Variants in UNC5C observed in about 807,000 individuals in gnomAD.
UNC5C encodes netrin receptor UNC5C.
Under a neutral mutation model 99.8 loss-of-function variants are expected in UNC5C, and 47 were observed. The observed-to-expected ratio is 0.47, with a 90% CI of 0.37 to 0.60. UNC5C has a LOEUF of 0.60. Among genes scored for constraint, UNC5C ranks in the 20% least tolerant of loss-of-function variants. The pLI is 0.00. For missense variants in UNC5C, 1,062 were observed against 1,165.9 expected (o/e 0.91, Z 1.30); for synonymous variants, 487 against 452.2 (o/e 1.08, Z -0.98).
At chr4:95,332,143 GC>G (rs1743137859) in intron 2 of UNC5C, among the ~76,000 whole-genome samples, 1 of 152,032 alleles carries the variant, frequency 6.6e-6, no homozygotes, top group African/African-American at 2.4e-5. Flanking sequence ...TGGCCATACT[GC>G]CCAAGGTAAT....
intron 7 of UNC5C, among the ~76,000 whole-genome samples, chr4:95,237,373 T>A (rs2149376172): frequency 6.6e-6 from 1 of 152,330 alleles, no homozygotes; most frequent in East Asian, 1.9e-4. Context: ...ATTAGCAAAG[T>A]ACAAAAGTTT....
At chr4:95,521,203 TTTTTTTC>T (rs1156956435) in intron 1 of UNC5C, among the ~76,000 whole-genome samples, 10 of 128,168 alleles carry the variant, frequency 7.8e-5, no homozygotes, top group Admixed American at 5.6e-4. Context: ...CTTCTTCTTT[TTTTTTTC>T]TTTTTTCTTT....
chr4:95,176,536 C>T (rs1736355000), intron 14 of UNC5C, among the ~76,000 whole-genome samples: 1 of 151,744 alleles, frequency 6.6e-6, no homozygotes, highest in African/African-American at 2.4e-5. Flanking sequence ...CTGGGGGGTG[C>T]CTCCCAGTTA....
In UNC5C at chr4:95,169,250, G is replaced by C. The variant is rs751536528; in HGVS notation, c.2780C>G (p.Ala927Gly). Reference protein sequence around the residue: ...GRHETVVSLAAEGQY With the variant: ...GRHETVVSLAGEGQY ...GCATGGTGGTTAATACTGCCCTTCT[G>C]CTGCTAAGGACACCACCGTTTCATG... Residue 927 changes from alanine to glycine, a missense_variant, in exon 16 of 16, where the codon GCA (alanine) becomes GGA (glycine). Coordinates refer to ENST00000453304, the MANE Select transcript of UNC5C (RefSeq NM_003728.4). 3 of 1,613,972 alleles carry C rather than the reference G, an allele frequency of 1.9e-6. No homozygotes were observed. Among genetic ancestry groups the C allele is most frequent in the Non-Finnish European group, 1.7e-6 (2 of 1,180,040 alleles).
intron 1 of UNC5C, 109 bp downstream of exon 1, chr4:95,548,625 G>T: frequency 7.3e-7 from 1 of 1,370,522 alleles, no homozygotes; most frequent in Non-Finnish European, 9.7e-7. Context: ...GTTTCCAGTT[G>T]AAAGCAACGA....
intron 1 of UNC5C, among the ~76,000 whole-genome samples, chr4:95,489,419 C>T (rs529158021): frequency 1.3e-5 from 2 of 151,622 alleles, no homozygotes; most frequent in South Asian, 2.1e-4. Context: ...GCATTGCAGG[C>T]CACGATGAAG....
At chr4:95,404,197 C>G (rs1745773541) in intron 1 of UNC5C, among the ~76,000 whole-genome samples, 1 of 152,044 alleles carries the variant, frequency 6.6e-6, no homozygotes, top group Non-Finnish European at 1.5e-5. Context: ...CCAGGTATAT[C>G]CCACATTTCA....
At chr4:95,457,581 C>T (rs888089823) in intron 1 of UNC5C, among the ~76,000 whole-genome samples, 2 of 152,060 alleles carry the variant, frequency 1.3e-5, no homozygotes, top group African/African-American at 4.8e-5. Flanking sequence ...CATTTGCCCG[C>T]ATTTAATGCT....
At chr4:95,211,359 G>A (rs962500124) in intron 10 of UNC5C, among the ~76,000 whole-genome samples, 3 of 152,188 alleles carry the variant, frequency 2.0e-5, no homozygotes, top group South Asian at 2.1e-4. Context: ...AAGCCACTCC[G>A]AAGGGCGTGC....
chr4:95,218,999 G>A lies in UNC5C; in HGVS notation c.1615C>T (p.Leu539=). 6.2e-7 allele frequency: 1 copy of A among 1,611,802 alleles called. No homozygotes were observed. The highest frequency in any genetic ancestry group is 8.5e-7 in the Non-Finnish European group (1 of 1,178,360). Residue 539 remains leucine, a synonymous_variant, in exon 9 of 16, where the codon CTG becomes TTG. Coordinates refer to ENST00000453304, the MANE Select transcript of UNC5C (RefSeq NM_003728.4). ...TTGGGAACAATAAGGTGACCTCCCAGCGAGTTGAAGCTGCCAAATGCGGTA... is the reference window on the plus strand; with the variant it reads ...TTGGGAACAATAAGGTGACCTCCCAACGAGTTGAAGCTGCCAAATGCGGTA... ...SCTAFGSFNS[L]GGHLIVPNSG...
chr4:95,274,100 C>T (rs182461228), intron 4 of UNC5C, among the ~76,000 whole-genome samples: 1 of 152,216 alleles, frequency 6.6e-6, no homozygotes, highest in East Asian at 1.9e-4. Context: ...TCATCATGAG[C>T]TTGTCAGGCA....
At chr4:95,303,911 G>A (rs370180499) in intron 2 of UNC5C, among the ~76,000 whole-genome samples, 1 of 152,146 alleles carries the variant, frequency 6.6e-6, no homozygotes, top group South Asian at 2.1e-4. Flanking sequence ...ATAGGTGACA[G>A]GAGAGGGTAT....
chr4:95,350,681 A>G (rs1743955837), intron 1 of UNC5C, among the ~76,000 whole-genome samples: 1 of 152,178 alleles, frequency 6.6e-6, no homozygotes, highest in African/African-American at 2.4e-5. Context: ...GCTAACTAAT[A>G]AGAATGATTT....
intron 1 of UNC5C, among the ~76,000 whole-genome samples, chr4:95,527,796 T>C (rs928815869): frequency 6.6e-6 from 1 of 152,086 alleles, no homozygotes; most frequent in Non-Finnish European, 1.5e-5. Context: ...TTAATGCAAT[T>C]GATGGAGAAA....
At chr4:95,416,024 T>C (rs1217236691) in intron 1 of UNC5C, among the ~76,000 whole-genome samples, 1 of 152,050 alleles carries the variant, frequency 6.6e-6, no homozygotes, top group African/African-American at 2.4e-5. Context: ...GAAATGGGCA[T>C]GTTAAGATAA....
intron 14 of UNC5C, among the ~76,000 whole-genome samples, chr4:95,174,602 G>C (rs1173704016): frequency 6.6e-6 from 1 of 151,950 alleles, no homozygotes; most frequent in Non-Finnish European, 1.5e-5. Flanking sequence ...ACTGTGGTCT[G>C]AGAGATAGTT....
intron 3 of UNC5C, among the ~76,000 whole-genome samples, chr4:95,292,216 T>C (rs10021151): frequency 0.25 from 31,589 of 125,034 alleles, 5,130 homozygotes; most frequent in African/African-American, 0.49. Flanking sequence ...TACATATATA[T>C]ACACACACAC....
intron 1 of UNC5C, among the ~76,000 whole-genome samples, chr4:95,541,310 A>G (rs1722912996): frequency 1.3e-5 from 2 of 152,110 alleles, no homozygotes; most frequent in South Asian, 2.1e-4. Context: ...CAATGTACCC[A>G]TGCTGTATAG....
chr4:95,383,198 C>G (rs990655234), intron 1 of UNC5C, among the ~76,000 whole-genome samples: 1 of 152,080 alleles, frequency 6.6e-6, no homozygotes, highest in African/African-American at 2.4e-5. Context: ...AACATTTTCT[C>G]ATAGTTTTCT....
Sources: gnomAD v4.1 joint callset for allele counts (sites outside exome capture counted in the v4.1 genomes callset) on GRCh38, gnomAD v4.1.1 for gene constraint, MANE v1.5 for transcripts, NCBI Gene and HGNC (gene_info 2026-07-23, HGNC 2026-07-21) for gene names.